NDUFS2: variants seen among roughly 807,000 people sequenced by gnomAD.
The protein encoded by NDUFS2 is NADH dehydrogenase [ubiquinone] iron-sulfur protein 2, mitochondrial.
NDUFS2 carries 38 observed loss-of-function variants against 69.6 expected under a neutral mutation model. That is an observed-to-expected ratio of 0.55 (90% CI 0.42 to 0.72). The LOEUF is 0.72. Among genes scored for constraint, NDUFS2 ranks in the 30% least tolerant of loss-of-function variants. The pLI is 0.00. For missense variants in NDUFS2, 468 were observed against 595.0 expected (o/e 0.79, Z 2.22); for synonymous variants, 194 against 211.2 (o/e 0.92, Z 0.70).
At chr1:161,203,343 G>T in intron 1 of NDUFS2, 94 bp from the exon 2 acceptor site, 2 of 1,047,128 alleles carry the variant, frequency 1.9e-6, no homozygotes, top group Non-Finnish European at 1.5e-6. Context: ...AAAAAAACAG[G>T]TCATCCTTCC....
chr1:161,210,245 C>G (rs1481056530), intron 7 of NDUFS2, 57 bp downstream of exon 7: 1 of 1,609,040 alleles, frequency 6.2e-7, no homozygotes, highest in Admixed American at 1.7e-5. Context: ...TAGAGAAATA[C>G]AGAGATATTT....
chr1:161,204,211 C>T (rs1005389372), intron 2 of NDUFS2, among the ~76,000 whole-genome samples: 7 of 152,206 alleles, frequency 4.6e-5, no homozygotes, highest in Admixed American at 6.5e-5. Context: ...ATGAAACCTA[C>T]ATGAATACAA....
rs11265565 is a variant in NDUFS2 at position 161,210,722 on chromosome 1, A to G, written c.986+12A>G. 5,884 of 1,613,844 alleles carry G rather than the reference A, an allele frequency of 3.6e-3. 121 individuals carry two copies. The African/African-American group carries it at 0.056, about 15-fold the overall frequency. On this transcript the variant is annotated intron_variant, in intron 9 of 13. Coordinates refer to ENST00000676972, the MANE Select transcript of NDUFS2 (RefSeq NM_001377299.1). ...GACTGCTATGATAGGTAAGGCCCCA[A>G]TCCTTTCTTGGCTGATATTCCAGCT...
At chr1:161,202,003 G>A, upstream of NDUFS2, 3 of 375,980 alleles carry the variant, frequency 8.0e-6, no homozygotes, top group South Asian at 6.6e-5. Context: ...TCCGAGAGCA[G>A]GACTAAAGCA....
At chr1:161,204,225 AT>A (rs987099073) in intron 2 of NDUFS2, among the ~76,000 whole-genome samples, 1 of 151,932 alleles carries the variant, frequency 6.6e-6, no homozygotes. Context: ...AATACAAACC[AT>A]TTTTTTTCCT....
chr1:161,202,146 G>C (rs190773825), upstream of NDUFS2: 6 of 579,402 alleles, frequency 1.0e-5, no homozygotes, highest in Non-Finnish European at 1.2e-5. Context: ...CTCGCTCCTA[G>C]AAAAGCCAGC....
In NDUFS2 at chr1:161,212,078, G is replaced by C. The variant is rs74469233; in HGVS notation, c.987-273G>C. The stretch of plus-strand genomic sequence containing the variant: ...AAAATATTCGGATGTGGTGGTGCAC[G>C]CCTGTAATCCAAGCTACTTTGGAGA... On this transcript the variant is annotated intron_variant, in intron 9 of 13. Coordinates refer to ENST00000676972, the MANE Select transcript of NDUFS2 (RefSeq NM_001377299.1). Among the ~76,000 whole-genome samples, 1,683 of 151,834 alleles carry C rather than the reference G, an allele frequency of 0.011. 36 individuals carry two copies. The highest frequency in any genetic ancestry group is 0.037 in the African/African-American group (1,527 of 41,394).
At chr1:161,197,950 C>T, upstream of NDUFS2, 2 of 1,521,046 alleles carry the variant, frequency 1.3e-6, no homozygotes, top group Non-Finnish European at 1.8e-6. Context: ...GTAGGACAGA[C>T]ATGGCGGGAG....
At position 161,210,301 on chromosome 1, in the gene NDUFS2, T is replaced by G. The variant is rs1480926906; in HGVS notation, c.781-3T>G. 6.2e-7 allele frequency: 1 copy of G among 1,613,356 alleles called. No individual in the cohort carries two copies. Among genetic ancestry groups the G allele is most frequent in the South Asian group, 1.1e-5 (1 of 91,064 alleles). On this transcript the variant is annotated splice_polypyrimidine_tract_variant and splice_region_variant and intron_variant, in intron 7 of 13. Transcript: ENST00000676972. ...TTAACACACCAGTTTTCTTGATCAA[T>G]AGTTGCTGACCAACAATAGGATCTG... is the stretch of plus-strand genomic sequence containing the variant.
intron 4 of NDUFS2, 64 bp downstream of exon 4, chr1:161,209,377 T>G: frequency 1.2e-6 from 2 of 1,612,972 alleles, no homozygotes; most frequent in Non-Finnish European, 1.7e-6. Flanking sequence ...TTCCACCACT[T>G]CCCCGTTGAA....
In NDUFS2 at chr1:161,214,163, A is replaced by G; in HGVS notation, c.1362A>G (p.Gln454=). Residue 454 remains glutamine, a synonymous_variant, in exon 14 of 14, where the codon CAA becomes CAG. Transcript: ENST00000676972. ...LADVVAIIGT[Q]DIVFGEVDR ...CTCCATCCTCTCACCTAGGTACCCA[A>G]GATATTGTATTTGGAGAAGTAGATC... is the stretch of plus-strand genomic sequence containing the variant. 1 of 1,613,954 alleles carries G rather than the reference A, an allele frequency of 6.2e-7. No individual in the cohort carries two copies. Among genetic ancestry groups the G allele is most frequent in the South Asian group, 1.1e-5 (1 of 91,074 alleles).
chr1:161,203,573 A>G (rs1665281900), intron 2 of NDUFS2, 30 bp downstream of exon 2: 2 of 1,545,984 alleles, frequency 1.3e-6, no homozygotes, highest in Non-Finnish European at 1.8e-6. Flanking sequence ...GTCCCAACCC[A>G]CACCCATCCC....
upstream of NDUFS2, among the ~76,000 whole-genome samples, chr1:161,201,394 C>A (rs559999713): frequency 6.6e-6 from 1 of 152,180 alleles, no homozygotes; most frequent in African/African-American, 2.4e-5. Flanking sequence ...TTTCCAGGCT[C>A]AGAGTTGGAG....
rs1411086602 is a variant in NDUFS2 at position 161,202,396 on chromosome 1, T to C, written c.11T>C (p.Leu4Pro). MAA[L>P]RALCGFRGVA... ...TGCAGCCGGAGTAAGATGGCGGCGC[T>C]GAGGGCTTTGTGCGGCTTCCGGGGC... The change falls in exon 1 of 14, where the codon CTG (leucine) becomes CCG (proline). Residue 4 changes from leucine to proline, a missense_variant. By Grantham distance (98) the Leu-to-Pro change is moderately conservative. Coordinates refer to ENST00000676972, the MANE Select transcript of NDUFS2 (RefSeq NM_001377299.1). The C allele has an allele frequency of 1.9e-6, 3 of 1,612,066 alleles. No homozygotes were observed. The highest frequency in any genetic ancestry group is 4.5e-5 in the East Asian group (2 of 44,862).
intron 2 of NDUFS2, among the ~76,000 whole-genome samples, chr1:161,205,099 G>T (rs558590071): frequency 6.6e-6 from 1 of 151,800 alleles, no homozygotes. Flanking sequence ...ACTCGGGTCT[G>T]TCAGACTCCA....
At position 161,210,706 on chromosome 1, in the gene NDUFS2, G is replaced by C; in HGVS notation, c.982G>C (p.Asp328His). ...VPVGSRGDCY[D>H]RYLCRVEEMR... ...TGTTGGTTCTCGAGGGGACTGCTAT[G>C]ATAGGTAAGGCCCCAATCCTTTCTT... Residue 328 changes from aspartate to histidine, a missense_variant, in exon 9 of 14, where the codon GAT becomes CAT. Around this residue, in one of 3 missense-constraint regions of NDUFS2, gnomAD observed 339 missense variants for 433.8 expected, o/e 0.78. Coordinates refer to ENST00000676972, the MANE Select transcript of NDUFS2 (RefSeq NM_001377299.1). 1 of 1,614,068 alleles carries C rather than the reference G, an allele frequency of 6.2e-7. No individual in the cohort carries two copies. Among genetic ancestry groups the C allele is most frequent in the Non-Finnish European group, 8.5e-7 (1 of 1,179,992 alleles).
rs889274472 is a variant in NDUFS2 at position 161,203,317 on chromosome 1, AAAAAC to A, written c.96-105_96-101del. 65 of 876,044 alleles carry A rather than the reference AAAAAC, an allele frequency of 7.4e-5. 1 individual carries two copies. Among genetic ancestry groups the A allele is most frequent in the South Asian group, 4.8e-4 (34 of 70,194 alleles). The allele number at this position is 876,044 out of a possible 1,614,324, so 54.3% of individuals were successfully genotyped here. On this transcript the variant is annotated intron_variant, in intron 1 of 13. Transcript: ENST00000676972. ...GTGAAACCCAGTCTCAAAAAAAACA[AAAAAC>A]AAAACAAAACAAAAAAACAGGTCAT...
rs1473307970 is a variant in NDUFS2 at position 161,213,876 on chromosome 1, A to G, written c.1309A>G (p.Lys437Glu). 1 of 1,614,230 alleles carries G rather than the reference A, an allele frequency of 6.2e-7. No individual in the cohort carries two copies. The highest frequency in any genetic ancestry group is 8.5e-7 in the Non-Finnish European group (1 of 1,180,030). Residue 437 changes from lysine (K) to glutamate (E), a missense_variant, in exon 13 of 14, where the codon AAG becomes GAG. Lys to Glu is a moderately conservative substitution (Grantham distance 56, BLOSUM62 1). This residue lies in a region of NDUFS2 where 72 missense variants were observed against 118.9 expected (regional missense o/e 0.61). Coordinates refer to ENST00000676972, the MANE Select transcript of NDUFS2 (RefSeq NM_001377299.1). ...TCAATCTCCCTAGGCTGGTTTGGAC[A>G]AGATGTCTAAGGGACACATGTTGGC... ...PGFAHLAGLD[K>E]MSKGHMLADV...
chr1:161,206,930 G>C (rs544068609), intron 3 of NDUFS2, among the ~76,000 whole-genome samples: 2 of 152,266 alleles, frequency 1.3e-5, no homozygotes, highest in East Asian at 3.9e-4. Flanking sequence ...CCTAGGGGCA[G>C]GGAAAGAGAA....
Sources: gnomAD v4.1 joint callset for allele counts (sites outside exome capture counted in the v4.1 genomes callset) on GRCh38, gnomAD v4.1.1 for gene constraint, gnomAD v4.1.1 regional missense constraint, MANE v1.5 for transcripts, NCBI Gene and HGNC (gene_info 2026-07-23, HGNC 2026-07-21) for gene names.